The following GALM variants were observed in gnomAD, a reference collection of about 807,000 sequenced individuals.
GALM encodes the protein aldose 1-epimerase.
Under a neutral mutation model 37.4 loss-of-function variants are expected in GALM, and 43 were observed. The observed-to-expected ratio is 1.15, with a 90% CI of 0.90 to 1.48. GALM has a LOEUF of 1.48. GALM is among the 40% of genes most tolerant of loss of function. GALM has a pLI of 0.00. For synonymous variants in GALM, 199 were observed against 170.6 expected, an observed-to-expected ratio of 1.17 and a Z score of -1.30; for missense variants, 456 against 419.1, an observed-to-expected ratio of 1.09 and a Z score of -0.77.
At chr2:38,669,742 G>T (rs1665042056) in intron 1 of GALM, among the ~76,000 whole-genome samples, 1 of 151,878 alleles carries the variant, frequency 6.6e-6, no homozygotes, top group African/African-American at 2.4e-5. Context: ...GCATGGTGGC[G>T]CATGCCTGTA....
intron 5 of GALM, among the ~76,000 whole-genome samples, chr2:38,730,982 T>A (rs1572547834): frequency 6.6e-6 from 1 of 151,372 alleles, no homozygotes; most frequent in Non-Finnish European, 1.5e-5. Context: ...TCCCAGCACT[T>A]TTGGAGGCTG....
intron 1 of GALM, among the ~76,000 whole-genome samples, chr2:38,670,540 C>G (rs73933117): frequency 6.6e-6 from 1 of 152,086 alleles, no homozygotes; most frequent in Non-Finnish European, 1.5e-5. Context: ...TGTGCGACCC[C>G]GGGCAATTTA....
rs949204868 is a variant in GALM at position 38,718,824 on chromosome 2, G to C, written c.635-10732G>C. 3.9e-5 allele frequency among the ~76,000 whole-genome samples: 6 copies of C among 151,916 alleles called. No individual in the cohort carries two copies. In the South Asian group the frequency reaches 1.1e-3, roughly 27 times the overall value. ...TACCGTCTGTTCCTCTTCTCAGAGA[G>C]TCAGGCATGAGGGCCACCAGGCAGG... On this transcript the variant is annotated intron_variant, in intron 4 of 6. Transcript: ENST00000272252.
At chr2:38,704,377 A>AT (rs572011776) in intron 4 of GALM, among the ~76,000 whole-genome samples, 36 of 151,770 alleles carry the variant, frequency 2.4e-4, no homozygotes, top group Admixed American at 3.9e-4. Context: ...TTTAAAAAAT[A>AT]TTTTTTTTGA....
chr2:38,666,642 GATCTTTGAACTGCCTA>G (rs1271567117), intron 1 of GALM, among the ~76,000 whole-genome samples: 1 of 152,198 alleles, frequency 6.6e-6, no homozygotes, highest in Non-Finnish European at 1.5e-5. Flanking sequence ...ATCCTGGAGC[GATCTTTGAACTGCCTA>G]ATCTTTGAAC....
At chr2:38,715,153 T>C (rs1666243638) in intron 4 of GALM, among the ~76,000 whole-genome samples, 1 of 152,248 alleles carries the variant, frequency 6.6e-6, no homozygotes, top group Admixed American at 6.5e-5. Context: ...TTTTAAAGTC[T>C]ATGCTGTGTG....
At chr2:38,701,619 C>T (rs1380933348) in intron 4 of GALM, among the ~76,000 whole-genome samples, 2 of 152,132 alleles carry the variant, frequency 1.3e-5, no homozygotes, top group Non-Finnish European at 2.9e-5. Context: ...GTAGGAAACG[C>T]TTGCCATGAG....
At chr2:38,697,661 G>C (rs2148440755) in intron 4 of GALM, among the ~76,000 whole-genome samples, 1 of 152,306 alleles carries the variant, frequency 6.6e-6, no homozygotes, top group Non-Finnish European at 1.5e-5. Context: ...ACAGTGCTCA[G>C]TAAAAGGGGA....
intron 3 of GALM, among the ~76,000 whole-genome samples, chr2:38,681,960 C>T (rs932651837): frequency 3.9e-5 from 6 of 152,230 alleles, no homozygotes; most frequent in East Asian, 1.9e-4. Flanking sequence ...TCCTGCCCTG[C>T]GCAGTACCGT....
intron 1 of GALM, among the ~76,000 whole-genome samples, chr2:38,675,519 T>G (rs74177080): frequency 0.14 from 14,832 of 108,408 alleles, 1,273 homozygotes; most frequent in South Asian, 0.28. Context: ...GGATTGAGGG[T>G]TTTTTTGTTT....
chr2:38,725,626 G>A (rs1666471317), intron 4 of GALM, among the ~76,000 whole-genome samples: 1 of 152,146 alleles, frequency 6.6e-6, no homozygotes. Context: ...GAGGCAGGAG[G>A]ATCACTTGAG....
intron 3 of GALM, among the ~76,000 whole-genome samples, chr2:38,686,220 ATTTCTTTC>A (rs200050911): frequency 0.14 from 12,944 of 93,460 alleles, 1,129 homozygotes; most frequent in Non-Finnish European, 0.17. Flanking sequence ...GAAAGTGGAA[ATTTCTTTC>A]TTTCTTTCTT....
intron 2 of GALM, among the ~76,000 whole-genome samples, chr2:38,679,174 A>T (rs1230108256): frequency 6.6e-6 from 1 of 152,054 alleles, no homozygotes; most frequent in Non-Finnish European, 1.5e-5. Flanking sequence ...TTTAGTAGAG[A>T]CGAAGTTTCA....
chr2:38,670,613 A>G lies in GALM; in HGVS notation c.190+4262A>G, dbSNP rs565362783. Among the ~76,000 whole-genome samples the G allele has an allele frequency of 4.6e-5, 7 of 152,330 alleles. No homozygotes were observed. In the East Asian group the frequency reaches 1.3e-3, roughly 29 times the overall value. On this transcript the variant is annotated intron_variant, in intron 1 of 6. Coordinates refer to ENST00000272252, the MANE Select transcript of GALM (RefSeq NM_138801.3). ...ATGGATTGTGATGATTTAATGAGCC[A>G]TGGGCTGTGATATGTGTCTAACCAT...
intron 4 of GALM, among the ~76,000 whole-genome samples, chr2:38,694,814 G>A (rs942402260): frequency 7.4e-5 from 11 of 148,592 alleles, no homozygotes; most frequent in Non-Finnish European, 1.5e-4. Flanking sequence ...GGAGAATGGC[G>A]TGAACCCGGG....
chr2:38,666,503 G>A (rs1357469904), intron 1 of GALM, 152 bp downstream of exon 1: 1 of 592,448 alleles, frequency 1.7e-6, no homozygotes, highest in Non-Finnish European at 3.0e-6. Context: ...ATCATAGAGG[G>A]CCGTGTGGCC....
chr2:38,690,868 A>G (rs770569981), intron 4 of GALM, among the ~76,000 whole-genome samples: 2 of 152,248 alleles, frequency 1.3e-5, no homozygotes, highest in Non-Finnish European at 2.9e-5. Flanking sequence ...CCATAAATAT[A>G]GTGACTACAA....
rs192911011 is a variant in GALM at position 38,683,990 on chromosome 2, G to T, written c.552+2504G>T. ...GGCACCAGCCTTCCAAGGCACTCCG[G>T]TAGGAGTGGATGATCACCAAGCCAG... On this transcript the variant is annotated intron_variant, in intron 3 of 6. Transcript: ENST00000272252. Among the ~76,000 whole-genome samples, 3 of 152,266 alleles carry T rather than the reference G, an allele frequency of 2.0e-5. No homozygotes were observed. The East Asian group carries it at 5.8e-4, about 29-fold the overall frequency.
Position 38,733,957 on chromosome 2 carries a change from A to G in GALM, c.*392A>G. 3.4e-6 allele frequency: 1 copy of G among 293,012 alleles called. No homozygotes were observed. Among genetic ancestry groups the G allele is most frequent in the Non-Finnish European group, 6.7e-6 (1 of 148,666 alleles). The allele number at this position is 293,012 out of a possible 1,614,324, so 18.2% of individuals were successfully genotyped here. ...TTTATTTCCTCCTCCTTCACCTCCA[A>G]CCACTGTCAGCAGCACTCTGGAGTT... On this transcript the variant is annotated 3_prime_UTR_variant, in exon 7 of 7. Transcript: ENST00000272252.
Sources: gnomAD v4.1 joint callset for allele counts (sites outside exome capture counted in the v4.1 genomes callset) on GRCh38, gnomAD v4.1.1 for gene constraint, MANE v1.5 for transcripts, NCBI Gene and HGNC (gene_info 2026-07-23, HGNC 2026-07-21) for gene names.